AGBL3: variants seen among roughly 807,000 people sequenced by gnomAD.
The protein encoded by AGBL3 is AGBL carboxypeptidase 3, also known as cytosolic carboxypeptidase 3.
A neutral mutation model predicts 94.5 loss-of-function variants in AGBL3; 68 were observed. The observed-to-expected ratio is 0.72, with a 90% CI of 0.59 to 0.88. The LOEUF (loss-of-function observed/expected upper bound fraction) is 0.88, where lower values mean the gene tolerates loss of function less well. Ranked by LOEUF, AGBL3 falls within the 40% of genes least tolerant of loss-of-function variation. AGBL3 has a pLI of 0.00. For missense variants in AGBL3, 934 were observed against 1,103.8 expected, an observed-to-expected ratio of 0.85 and a Z score of 2.18; for synonymous variants, 354 against 370.7, an observed-to-expected ratio of 0.95 and a Z score of 0.52.
intron 4 of AGBL3, among the ~76,000 whole-genome samples, chr7:135,009,510 T>C (rs1402538472): frequency 6.6e-6 from 1 of 151,908 alleles, no homozygotes; most frequent in Non-Finnish European, 1.5e-5. Flanking sequence ...ATTGTTTTTT[T>C]CTCTTCCCTT....
chr7:134,987,731 G>T, intron 1 of AGBL3, 144 bp from the exon 2 acceptor site: 1 of 461,466 alleles, frequency 2.2e-6, no homozygotes, highest in Non-Finnish European at 3.9e-6. Flanking sequence ...CTTTGAAATT[G>T]AAGGTTTTAT....
chr7:135,039,689 C>T lies in AGBL3; in HGVS notation c.1500+2109C>T, dbSNP rs112097572. Among the ~76,000 whole-genome samples, 350 of 151,932 alleles carry T rather than the reference C, an allele frequency of 2.3e-3. 2 individuals are homozygous for T. The highest frequency in any genetic ancestry group is 8.0e-3 in the African/African-American group (333 of 41,460). On this transcript the variant is annotated intron_variant, in intron 8 of 16. Transcript: ENST00000436302. ...AGCAGAGGTTGCAGGGAGCCAAGGT[C>T]GTACCACTGTACTCCAGCCTGGGCA...
In AGBL3 at chr7:135,017,999, A is replaced by T. The variant is rs190149758; in HGVS notation, c.418+840A>T. Among the ~76,000 whole-genome samples, 202 of 152,332 alleles carry T rather than the reference A, an allele frequency of 1.3e-3. 3 individuals carry two copies. The highest frequency in any genetic ancestry group is 0.012 in the Admixed American group (190 of 15,302). On this transcript the variant is annotated intron_variant, in intron 5 of 16. Coordinates refer to ENST00000436302, the MANE Select transcript of AGBL3 (RefSeq NM_178563.4). ...GATTTAGAAAAAACTAAAATAATTG[A>T]GATGAATCAGTCAGGGTCTTCTCAG...
Position 134,987,900 on chromosome 7 carries a change from A to G in AGBL3, c.-34A>G. On this transcript the variant is annotated 5_prime_UTR_variant, in exon 2 of 17. In the 5' UTR this introduces an upstream ATG that the reference lacks. Transcript: ENST00000436302. ...AAATTGTTTTACAGCCTACCCGTAT[A>G]TTACAAGAAATCTCAAGTCAAACAC... 1 of 1,505,608 alleles carries G rather than the reference A, an allele frequency of 6.6e-7. No homozygotes were observed. The highest frequency in any genetic ancestry group is 9.0e-7 in the Non-Finnish European group (1 of 1,110,570). 93.3% of individuals were successfully genotyped at this position (1,505,608 alleles called of 1,614,324 possible).
At chr7:135,081,625 A>T in intron 14 of AGBL3, 94 bp from the exon 15 acceptor site, 1 of 747,636 alleles carries the variant, frequency 1.3e-6, no homozygotes, top group Non-Finnish European at 2.1e-6. Context: ...CAAGTTATTT[A>T]CTAGCATTTT....
intron 1 of AGBL3, among the ~76,000 whole-genome samples, chr7:134,987,637 G>A (rs1016603467): frequency 6.6e-6 from 1 of 152,110 alleles, no homozygotes; most frequent in Non-Finnish European, 1.5e-5. Context: ...TGTATACTCT[G>A]GAAATTCCTT....
intron 13 of AGBL3, among the ~76,000 whole-genome samples, chr7:135,079,488 C>T (rs962228828): frequency 2.6e-5 from 4 of 151,972 alleles, no homozygotes; most frequent in African/African-American, 7.3e-5. Flanking sequence ...GTTTTTGAGA[C>T]GGAGTCTAGC....
intron 16 of AGBL3, chr7:135,129,490 G>A: frequency 1.3e-6 from 1 of 772,846 alleles, no homozygotes; most frequent in South Asian, 1.3e-5. Context: ...CCATGTTGTG[G>A]AACTCCCATA....
chr7:135,034,528 A>T lies in AGBL3; in HGVS notation c.937A>T (p.Ile313Phe). ...YTNLQEYLSG[I>F]NNDPVRSKFC... ...CAACCTGCAAGAATACCTTTCTGGC[A>T]TCAATAATGATCCAGTACGGTCAAA... Residue 313 changes from isoleucine to phenylalanine, a missense_variant, in exon 7 of 17, where the codon ATC (isoleucine) becomes TTC (phenylalanine). Ile to Phe is a conservative substitution (Grantham distance 21, BLOSUM62 0). Around this residue, in one of 3 missense-constraint regions of AGBL3, gnomAD observed 488 missense variants for 563.6 expected, o/e 0.87. Transcript: ENST00000436302. 6.4e-7 allele frequency: 1 copy of T among 1,551,958 alleles called. No homozygotes were observed. Among genetic ancestry groups the T allele is most frequent in the Admixed American group, 2.0e-5 (1 of 51,000 alleles).
intron 16 of AGBL3, among the ~76,000 whole-genome samples, chr7:135,119,061 G>A (rs1039443044): frequency 4.6e-5 from 7 of 152,074 alleles, no homozygotes; most frequent in South Asian, 4.1e-4. Context: ...TTCACATATC[G>A]TAGTTTCAGA....
chr7:135,094,812 A>C (rs1459869272), intron 15 of AGBL3, among the ~76,000 whole-genome samples: 2 of 152,198 alleles, frequency 1.3e-5, no homozygotes, highest in African/African-American at 4.8e-5. Flanking sequence ...AGATTACATA[A>C]GTTGTTTGTC....
intron 12 of AGBL3, among the ~76,000 whole-genome samples, chr7:135,070,646 G>A (rs1306816575): frequency 6.6e-6 from 1 of 152,118 alleles, no homozygotes; most frequent in Non-Finnish European, 1.5e-5. Context: ...CTCAATAGAT[G>A]CAGAAAAGGC....
chr7:135,094,401 C>A (rs774799470), intron 15 of AGBL3: 7 of 456,550 alleles, frequency 1.5e-5, no homozygotes, highest in Admixed American at 2.4e-5. Context: ...CTGCTAGAAT[C>A]ATAAACTGGT....
chr7:135,019,857 A>G lies in AGBL3; in HGVS notation c.418+2698A>G, dbSNP rs190320036. 2.8e-4 allele frequency among the ~76,000 whole-genome samples: 42 copies of G among 152,384 alleles called. No individual in the cohort carries two copies. The East Asian group carries it at 6.9e-3, about 25-fold the overall frequency. On this transcript the variant is annotated intron_variant, in intron 5 of 16. Coordinates refer to ENST00000436302, the MANE Select transcript of AGBL3 (RefSeq NM_178563.4). Reference sequence around the variant, plus strand: ...ACAAATGGTGCTGGGAAAACTGGCCATAAGTAGAAAGCTGAAACTGGATCC... The same window carrying G: ...ACAAATGGTGCTGGGAAAACTGGCCGTAAGTAGAAAGCTGAAACTGGATCC...
At chr7:135,088,249 T>TA (rs1309970543) in intron 15 of AGBL3, among the ~76,000 whole-genome samples, 2 of 152,154 alleles carry the variant, frequency 1.3e-5, no homozygotes, top group Admixed American at 1.3e-4. Context: ...AGTTGGTTTT[T>TA]AAAATCCATT....
chr7:135,109,055 A>AT (rs2117113105), intron 15 of AGBL3, among the ~76,000 whole-genome samples: 1 of 152,082 alleles, frequency 6.6e-6, no homozygotes, highest in African/African-American at 2.4e-5. Flanking sequence ...GTTCTTTTTT[A>AT]TACTGCCTAT....
At chr7:135,043,527 G>C (rs1262209794) in intron 8 of AGBL3, among the ~76,000 whole-genome samples, 1 of 152,124 alleles carries the variant, frequency 6.6e-6, no homozygotes, top group African/African-American at 2.4e-5. Flanking sequence ...GATGGCACAA[G>C]AGGGTGACTA....
intron 4 of AGBL3, chr7:135,011,473 A>G (rs1431137820): frequency 1.3e-5 from 2 of 151,996 alleles, no homozygotes; most frequent in African/African-American, 2.4e-5. Flanking sequence ...GAGGCAAACA[A>G]TAGTTTGGGA....
rs540756958 is a variant in AGBL3 at position 135,110,754 on chromosome 7, C to T, written c.2111-4626C>T. 5.3e-5 allele frequency among the ~76,000 whole-genome samples: 8 copies of T among 152,296 alleles called. No homozygotes were observed. In the South Asian group the frequency reaches 1.2e-3, roughly 24 times the overall value. On this transcript the variant is annotated intron_variant, in intron 15 of 16. Coordinates refer to ENST00000436302, the MANE Select transcript of AGBL3 (RefSeq NM_178563.4). ...CTCCTTCAGTTTCTCTCCATGAGAG[C>T]GACAAATGCAAGCTCCATCTAGCCA... is the stretch of plus-strand genomic sequence containing the variant.
Sources: allele counts gnomAD v4.1 joint callset (sites outside exome capture counted in the v4.1 genomes callset), GRCh38; gene constraint gnomAD v4.1.1; regional missense constraint gnomAD v4.1.1; transcripts MANE v1.5; gene names NCBI Gene and HGNC (gene_info 2026-07-23, HGNC 2026-07-21).